The following ARHGEF37 variants were observed in gnomAD, a reference collection of about 807,000 sequenced individuals.
ARHGEF37 encodes Rho guanine nucleotide exchange factor 37, also known as Rho guanine nucleotide exchange factor (GEF) 37.
A neutral mutation model predicts 71.1 loss-of-function variants in ARHGEF37; 55 were observed. That is an observed-to-expected ratio of 0.77 (90% confidence interval 0.62 to 0.97). ARHGEF37 has a LOEUF of 0.97. ARHGEF37 is among the 50% of genes least tolerant of loss of function. The pLI is 0.00. For synonymous variants in ARHGEF37, 327 were observed against 350.6 expected, an observed-to-expected ratio of 0.93 and a Z score of 0.75; for missense variants, 765 against 836.8, an observed-to-expected ratio of 0.91 and a Z score of 1.06.
chr5:149,581,937 A>G (rs1763119309), intron 1 of ARHGEF37, among the ~76,000 whole-genome samples: 1 of 152,232 alleles, frequency 6.6e-6, no homozygotes. Flanking sequence ...GCAGGATTTC[A>G]GACAGCTTTT....
At chr5:149,576,727 A>T (rs1209557471), upstream of ARHGEF37, among the ~76,000 whole-genome samples, 4 of 152,162 alleles carry the variant, frequency 2.6e-5, no homozygotes, top group Non-Finnish European at 4.4e-5. Flanking sequence ...GAGGCAAGGC[A>T]GGTGGATCAC....
chr5:149,562,158 A>C (rs1157493814), intron 1 of ARHGEF37, among the ~76,000 whole-genome samples: 2 of 152,142 alleles, frequency 1.3e-5, no homozygotes, highest in South Asian at 2.1e-4. Flanking sequence ...GCCCAACACC[A>C]CTGCAAAAAG....
intron 2 of ARHGEF37, among the ~76,000 whole-genome samples, chr5:149,598,761 T>TATATAG (rs1554122094): frequency 1.3e-5 from 1 of 75,796 alleles, no homozygotes; most frequent in African/African-American, 4.9e-5. Context: ...TATATATAGA[T>TATATAG]ATAGATATAG....
intron 4 of ARHGEF37, among the ~76,000 whole-genome samples, chr5:149,614,979 A>G (rs1367253336): frequency 6.6e-6 from 1 of 152,138 alleles, no homozygotes. Context: ...ATCTGGGCCT[A>G]GGGGCTACTG....
intron 1 of ARHGEF37, among the ~76,000 whole-genome samples, chr5:149,588,152 C>A (rs1335086294): frequency 6.6e-6 from 1 of 152,062 alleles, no homozygotes; most frequent in Non-Finnish European, 1.5e-5. Context: ...CCGCCTTGGC[C>A]TCCCAAAGTG....
chr5:149,575,886 C>G (rs78711777), intron 1 of ARHGEF37, among the ~76,000 whole-genome samples: 3,554 of 151,528 alleles, frequency 0.023, 140 homozygotes, highest in East Asian at 0.19. Context: ...CCGTCCCCCC[C>G]CTCAAAAAAT....
intron 3 of ARHGEF37, among the ~76,000 whole-genome samples, chr5:149,606,126 C>G (rs1763905692): frequency 6.6e-6 from 1 of 152,192 alleles, no homozygotes; most frequent in Non-Finnish European, 1.5e-5. Context: ...ACACAGTTTC[C>G]TTGGCATGTC....
chr5:149,596,076 T>C (rs1763536738), intron 1 of ARHGEF37, among the ~76,000 whole-genome samples: 1 of 152,084 alleles, frequency 6.6e-6, no homozygotes, highest in Non-Finnish European at 1.5e-5. Flanking sequence ...TCACTGAGTT[T>C]CAAATACTGT....
chr5:149,592,001 T>C lies in ARHGEF37; in HGVS notation c.-11-5758T>C, dbSNP rs1763422340. On this transcript the variant is annotated intron_variant, in intron 1 of 12. Transcript: ENST00000333677. Reference sequence around the variant, plus strand: ...GAGCATCTGTATAATATTTTGCTTTTACATTTTTATTTTGAAATAATTATA... The same window carrying C: ...GAGCATCTGTATAATATTTTGCTTTCACATTTTTATTTTGAAATAATTATA... Among the ~76,000 whole-genome samples, 3 of 152,250 alleles carry C rather than the reference T, an allele frequency of 2.0e-5. No individual in the cohort carries two copies. In the South Asian group the frequency reaches 6.2e-4, roughly 31 times the overall value.
chr5:149,566,820 C>T (rs1439382213), intron 1 of ARHGEF37, among the ~76,000 whole-genome samples: 1 of 152,058 alleles, frequency 6.6e-6, no homozygotes, highest in East Asian at 1.9e-4. Context: ...ATTCTACTCC[C>T]CACTTTCAAT....
At position 149,571,924 on chromosome 5, in the gene ARHGEF37, AAAG is replaced by A. The variant is rs1291571716; in HGVS notation, c.-12+19805_-12+19807del. ...CTGTCTCAAAAAAAAAAAAAAAAAA[AAAG>A]AAGTTGACAAGCTGATTTTTAAAAT... On this transcript the variant is annotated intron_variant, in intron 1 of 2. Transcript: ENST00000505810. Among the ~76,000 whole-genome samples the A allele has an allele frequency of 2.5e-3, 376 of 150,404 alleles. 3 individuals are homozygous for A. Among genetic ancestry groups the A allele is most frequent in the African/African-American group, 7.7e-3 (315 of 40,884 alleles).
intron 12 of ARHGEF37, among the ~76,000 whole-genome samples, chr5:149,629,289 G>A (rs1267648472): frequency 1.3e-5 from 2 of 152,196 alleles, no homozygotes; most frequent in Non-Finnish European, 2.9e-5. Context: ...ATACAATGAT[G>A]AGCAAAACTA....
chr5:149,625,258 T>A (rs529922422), intron 10 of ARHGEF37, among the ~76,000 whole-genome samples: 37 of 152,326 alleles, frequency 2.4e-4, no homozygotes, highest in African/African-American at 8.2e-4. Context: ...AGAGGTTATC[T>A]GTTCTAGTCA....
intron 2 of ARHGEF37, among the ~76,000 whole-genome samples, chr5:149,598,409 T>C (rs1385203257): frequency 7.1e-6 from 1 of 141,258 alleles, no homozygotes; most frequent in African/African-American, 2.5e-5. Context: ...TTCCTCTTCC[T>C]CTTCTCCTTC....
At chr5:149,631,000 C>T (rs2113401487) in intron 12 of ARHGEF37, among the ~76,000 whole-genome samples, 1 of 152,250 alleles carries the variant, frequency 6.6e-6, no homozygotes, top group Non-Finnish European at 1.5e-5. Flanking sequence ...TCTCAATGTC[C>T]TGAAGGGGAT....
At chr5:149,564,605 AC>A (rs1191244054) in intron 1 of ARHGEF37, among the ~76,000 whole-genome samples, 2 of 152,132 alleles carry the variant, frequency 1.3e-5, no homozygotes, top group Non-Finnish European at 2.9e-5. Flanking sequence ...CAGGTGGATC[AC>A]CTGAGGCCAG....
intron 1 of ARHGEF37, among the ~76,000 whole-genome samples, chr5:149,596,193 C>T (rs944926491): frequency 4.6e-5 from 7 of 152,168 alleles, no homozygotes; most frequent in African/African-American, 1.7e-4. Flanking sequence ...TCTTTTCCTC[C>T]CTTACAAGAT....
rs1407336418 is a variant in ARHGEF37 at position 149,634,902 on chromosome 5, T to A, written c.*2711T>A. The A allele has an allele frequency of 6.6e-6, 1 of 152,236 alleles. No homozygotes were observed. Among genetic ancestry groups the A allele is most frequent in the Non-Finnish European group, 1.5e-5 (1 of 68,024 alleles). The allele number at this position is 152,236 out of a possible 1,614,324, so 9.4% of individuals were successfully genotyped here. The stretch of plus-strand genomic sequence containing the variant: ...AAGATGAATGAATTCTTGGTTAATA[T>A]GACGAACCCCAGCTCAATGAGTAAC... On this transcript the variant is annotated 3_prime_UTR_variant, in exon 13 of 13. Coordinates refer to ENST00000333677, the MANE Select transcript of ARHGEF37 (RefSeq NM_001001669.3).
intron 1 of ARHGEF37, among the ~76,000 whole-genome samples, chr5:149,559,118 C>T (rs1313622977): frequency 6.6e-6 from 1 of 152,084 alleles, no homozygotes; most frequent in Non-Finnish European, 1.5e-5. Context: ...GTCAAGAGTT[C>T]GAGACCAGCC....
Sources: gnomAD v4.1 joint callset for allele counts (sites outside exome capture counted in the v4.1 genomes callset) on GRCh38, gnomAD v4.1.1 for gene constraint, MANE v1.5 for transcripts, NCBI Gene and HGNC (gene_info 2026-07-23, HGNC 2026-07-21) for gene names.